Variants in TTLL5 observed in about 807,000 individuals in gnomAD.
TTLL5 encodes the protein tubulin polyglutamylase TTLL5.
In TTLL5, 132 loss-of-function variants were observed where a neutral mutation model predicts 168.4. The ratio of observed to expected loss-of-function variants is 0.78; its 90% CI spans 0.68 to 0.91. The LOEUF (loss-of-function observed/expected upper bound fraction) is 0.91. Ranked by LOEUF, TTLL5 falls within the 40% of genes least tolerant of loss-of-function variation. TTLL5 has a pLI of 0.00. For missense variants in TTLL5, 1,545 were observed against 1,581.5 expected (o/e 0.98, Z 0.39); for synonymous variants, 546 against 558.6 (o/e 0.98, Z 0.32).
intron 12 of TTLL5, among the ~76,000 whole-genome samples, chr14:75,728,759 A>T (rs146320317): frequency 6.6e-6 from 1 of 152,144 alleles, no homozygotes; most frequent in Non-Finnish European, 1.5e-5. Flanking sequence ...TTGAGAAGGA[A>T]GGAGACCTGA....
At chr14:75,794,583 T>A in intron 27 of TTLL5, among the ~76,000 whole-genome samples, 1 of 152,208 alleles carries the variant, frequency 6.6e-6, no homozygotes, top group South Asian at 2.1e-4. Context: ...TGTATCCTGA[T>A]TGGGAAGTCA....
chr14:75,946,293 T>C (rs1170791809), intron 31 of TTLL5, among the ~76,000 whole-genome samples: 6 of 152,318 alleles, frequency 3.9e-5, no homozygotes, highest in Non-Finnish European at 7.4e-5. Context: ...TACTGTACAG[T>C]GAAAAGGTAA....
rs374712385 is a variant in TTLL5 at position 75,782,546 on chromosome 14, A to G, written c.2575A>G (p.Thr859Ala). The G allele has an allele frequency of 1.9e-6, 3 of 1,614,024 alleles. No homozygotes were observed. In the East Asian group the frequency reaches 6.7e-5, roughly 36 times the overall value. Residue 859 changes from threonine to alanine, a missense_variant, in exon 25 of 32, where the codon ACA (threonine) becomes GCA (alanine). Thr to Ala is a moderately conservative substitution (Grantham distance 58). Transcript: ENST00000298832. Reference protein sequence around the residue: ...KIKPPKQQQTTEIHSDKLSRF... With the variant: ...KIKPPKQQQTAEIHSDKLSRF... The stretch of plus-strand genomic sequence containing the variant: ...AAAGCCACCTAAACAGCAACAGACG[A>G]CAGAAATTCATTCTGATAAATTATC...
intron 28 of TTLL5, chr14:75,820,835 C>A (rs1236868314): frequency 1.3e-5 from 2 of 152,170 alleles, no homozygotes; most frequent in African/African-American, 4.8e-5. Flanking sequence ...AATGGATTCC[C>A]AGCACATCTT....
chr14:75,902,392 G>C (rs2032964261), intron 31 of TTLL5, 168 bp downstream of exon 31: 9 of 754,900 alleles, frequency 1.2e-5, no homozygotes, highest in Non-Finnish European at 2.0e-5. Context: ...CTTTAAAATA[G>C]TCTTGGCAGC....
chr14:75,901,127 AATATT>A (rs1226525282), intron 30 of TTLL5, among the ~76,000 whole-genome samples: 1 of 152,334 alleles, frequency 6.6e-6, no homozygotes, highest in Middle Eastern at 3.4e-3. Flanking sequence ...ACCCAACAAA[AATATT>A]ATATTATAAA....
chr14:75,693,987 A>G (rs1044468024), intron 6 of TTLL5, among the ~76,000 whole-genome samples: 4 of 152,242 alleles, frequency 2.6e-5, no homozygotes, highest in African/African-American at 9.6e-5. Flanking sequence ...CTAGAGTCAT[A>G]TACTTGAAAA....
In TTLL5 at chr14:75,681,628, G is replaced by A. The variant is rs1163242822; in HGVS notation, c.264+1G>A. ...TCTGACAGCCCATGGATTTCATGAA[G>A]TAAGTTTATTTTTAATACCTCACCT... On this transcript the variant is annotated splice_donor_variant, in intron 4 of 31. Coordinates refer to ENST00000298832, the MANE Select transcript of TTLL5 (RefSeq NM_015072.5). LOFTEE classifies it high-confidence loss of function. 3.7e-6 allele frequency: 6 copies of A among 1,612,768 alleles called. No individual in the cohort carries two copies. Among genetic ancestry groups the A allele is most frequent in the Middle Eastern group, 1.7e-4 (1 of 6,060 alleles).
intron 19 of TTLL5, 125 bp from the exon 20 acceptor site, chr14:75,765,937 A>T: frequency 1.4e-6 from 1 of 708,298 alleles, no homozygotes; most frequent in Non-Finnish European, 2.3e-6. Flanking sequence ...GGGTGCTATT[A>T]ATTCTGTGCC....
intron 17 of TTLL5, 83 bp downstream of exon 17, chr14:75,745,664 C>T: frequency 9.5e-7 from 1 of 1,050,680 alleles, no homozygotes; most frequent in South Asian, 1.5e-5. Context: ...ATCACTGCTC[C>T]CCCCGATGAT....
intron 27 of TTLL5, among the ~76,000 whole-genome samples, chr14:75,812,094 T>C (rs1032008414): frequency 1.3e-5 from 2 of 152,122 alleles, no homozygotes; most frequent in Non-Finnish European, 1.5e-5. Flanking sequence ...GAAGATTGGC[T>C]CTAAAATAAA....
intron 26 of TTLL5, among the ~76,000 whole-genome samples, chr14:75,787,900 A>C (rs1376621493): frequency 6.6e-6 from 1 of 152,210 alleles, no homozygotes; most frequent in Non-Finnish European, 1.5e-5. Context: ...TCCTGATGGA[A>C]GTAAATTATT....
rs910065891 is a variant in TTLL5, at chr14:75,954,629, G to A, written c.*183G>A. ...ATCAGCCAATGCAGACTTTCACTGGGACAACAAGAAAGCAGATCTTCTGGG... is the reference window on the plus strand; with the variant it reads ...ATCAGCCAATGCAGACTTTCACTGGAACAACAAGAAAGCAGATCTTCTGGG... On this transcript the variant is annotated 3_prime_UTR_variant, in exon 32 of 32. Transcript: ENST00000298832. 1 of 630,346 alleles carries A rather than the reference G, an allele frequency of 1.6e-6. No homozygotes were observed. Among genetic ancestry groups the A allele is most frequent in the Admixed American group, 2.8e-5 (1 of 35,400 alleles). The allele number at this position is 630,346 out of a possible 1,614,324, so 39.0% of individuals were successfully genotyped here. A position where few individuals can be genotyped will look rare whatever the true frequency, so the allele number is the denominator to read the frequency against.
At chr14:75,843,285 C>A (rs1896353917) in intron 28 of TTLL5, among the ~76,000 whole-genome samples, 1 of 152,182 alleles carries the variant, frequency 6.6e-6, no homozygotes. Context: ...GTCCACTCTT[C>A]CCACTGTGGA....
rs778792332 is a variant in TTLL5, at chr14:75,874,933, C to CCTTTTTTTTTTTTTTTTTTTTTTTTTTTT, written c.3523-7752_3523-7751insCTTTTTTTTTTTTTTTTTTTTTTTTTTTT. Among the ~76,000 whole-genome samples the CCTTTTTTTTTTTTTTTTTTTTTTTTTTTT allele has an allele frequency of 6.2e-5, 6 of 97,534 alleles. 1 individual carries two copies. The highest frequency in any genetic ancestry group is 2.0e-4 in the African/African-American group (4 of 20,370). The allele number at this position is 97,534 out of a possible 152,430, so 64.0% of individuals were successfully genotyped here. ...AGAGAAAAAAAAAGACACTGGGGGC[C>CCTTTTTTTTTTTTTTTTTTTTTTTTTTTT]TTTTTTTTTTTTTTTTTTGAGACGG... On this transcript the variant is annotated intron_variant, in intron 29 of 31. Transcript: ENST00000298832.
chr14:75,859,271 A>G, intron 28 of TTLL5, among the ~76,000 whole-genome samples: 1 of 152,224 alleles, frequency 6.6e-6, no homozygotes, highest in East Asian at 1.9e-4. Context: ...TTCAATGTTT[A>G]TTGGCTGGAG....
chr14:75,764,989 A>G (rs562932179), intron 19 of TTLL5, among the ~76,000 whole-genome samples: 1 of 152,324 alleles, frequency 6.6e-6, no homozygotes, highest in South Asian at 2.1e-4. Context: ...AAACACATAC[A>G]TTTTGGCCTT....
chr14:75,848,798 T>C (rs1896691147), intron 28 of TTLL5, among the ~76,000 whole-genome samples: 1 of 152,248 alleles, frequency 6.6e-6, no homozygotes, highest in Admixed American at 6.5e-5. Context: ...GAATCCTAAG[T>C]TGCCTTCTAC....
Position 75,782,491 on chromosome 14 carries a change from C to T in TTLL5, c.2520C>T (p.His840=), listed in dbSNP as rs751491749. The change falls in exon 25 of 32, where the codon CAC becomes CAT. Residue 840 remains histidine (H), a synonymous_variant. Transcript: ENST00000298832. ...GCTCATTATTTCTTATTTCAGATCACCCTGAGACTATAATGGAAGAAGTGA... is the reference window on the plus strand; with the variant it reads ...GCTCATTATTTCTTATTTCAGATCATCCTGAGACTATAATGGAAGAAGTGA... ...NYSDSGAKGD[H]PETIMEEVKI... 2 of 1,612,866 alleles carry T rather than the reference C, an allele frequency of 1.2e-6. No individual in the cohort carries two copies. Among genetic ancestry groups the T allele is most frequent in the South Asian group, 1.1e-5 (1 of 90,908 alleles).
Sources: allele counts gnomAD v4.1 joint callset (sites outside exome capture counted in the v4.1 genomes callset), GRCh38; gene constraint gnomAD v4.1.1; transcripts MANE v1.5; gene names NCBI Gene and HGNC (gene_info 2026-07-23, HGNC 2026-07-21).